The following IRF6 variants were observed in gnomAD, a reference collection of about 807,000 sequenced individuals.
IRF6 encodes the protein interferon regulatory factor 6, also known as Van der Woude syndrome.
IRF6 carries 6 observed loss-of-function variants against 51.4 expected under a neutral mutation model. That is an observed-to-expected ratio of 0.12 (90% CI 0.06 to 0.23). IRF6 has a LOEUF of 0.23. IRF6 is among the 10% of genes least tolerant of loss of function. The probability of loss-of-function intolerance (pLI) is 1.00; values close to 1 mark genes in which losing one functional copy is unlikely to be tolerated. For synonymous variants in IRF6, 178 were observed against 215.7 expected (o/e 0.83, Z 1.53); for missense variants, 348 against 585.2 (o/e 0.59, Z 4.18).
In IRF6 at chr1:209,796,682, T is replaced by C; in HGVS notation, c.175-130A>G. The C allele has an allele frequency of 1.6e-6, 1 of 610,708 alleles. No homozygotes were observed. The highest frequency in any genetic ancestry group is 2.0e-5 in the South Asian group (1 of 50,586). 37.8% of individuals were successfully genotyped at this position (610,708 alleles called of 1,614,324 possible). On this transcript the variant is annotated intron_variant, in intron 3 of 8. Coordinates refer to ENST00000367021, the MANE Select transcript of IRF6 (RefSeq NM_006147.4). The surrounding 1 kb of genome is among the most constrained non-coding windows in gnomAD (Gnocchi z 4.5). ...ACACACACACACACACACACAACTT[T>C]TGCATGACTGCCCCATCATCCCAAC... is the stretch of plus-strand genomic sequence containing the variant.
rs1018630527 is a variant in IRF6, at chr1:209,791,125, C to A, written c.668-238G>T. 4 of 859,628 alleles carry A rather than the reference C, an allele frequency of 4.7e-6. No individual in the cohort carries two copies. In the Admixed American group the frequency reaches 1.9e-4, roughly 40 times the overall value. 53.3% of individuals were successfully genotyped at this position (859,628 alleles called of 1,614,324 possible). A position where few individuals can be genotyped will look rare whatever the true frequency, so the allele number is the denominator to read the frequency against. On this transcript the variant is annotated intron_variant, in intron 6 of 8. Transcript: ENST00000367021. ...CATCTCAACTATTTCTGTTCAATCA[C>A]CACACCCCAAAGGCTACAATTGCAT...
chr1:209,798,373 T>C (rs2077917462), intron 3 of IRF6, among the ~76,000 whole-genome samples: 1 of 152,228 alleles, frequency 6.6e-6, no homozygotes, highest in Non-Finnish European at 1.5e-5. Context: ...TGATCCTCTG[T>C]GTGCCCACGC....
chr1:209,799,681 G>A (rs1006626604), intron 3 of IRF6, among the ~76,000 whole-genome samples: 6 of 152,194 alleles, frequency 3.9e-5, no homozygotes, highest in African/African-American at 1.4e-4. Context: ...CTCTTCCCCA[G>A]GGCCAGCCAC....
At position 209,789,693 on chromosome 1, in the gene IRF6, A is replaced by G. The variant is rs61099902; in HGVS notation, c.1153T>C (p.Leu385=). Reference sequence around the variant, plus strand: ...TGAACCAAGATGAGTTTCCTTTCCAATGGTTTCCCATCTGGCCATTCTTCC... The same window carrying G: ...TGAACCAAGATGAGTTTCCTTTCCAGTGGTTTCCCATCTGGCCATTCTTCC... The part of the protein sequence containing the change: ...FGEEWPDGKP[L]ERKLILVQVI... Residue 385 remains leucine (L), a synonymous_variant, in exon 8 of 9, where the codon TTG becomes CTG. Transcript: ENST00000367021. The G allele has an allele frequency of 4.1e-3, 6,619 of 1,613,494 alleles. 188 individuals carry two copies. In the African/African-American group the frequency reaches 0.067, roughly 16 times the overall value.
Position 209,795,307 on chromosome 1 carries a change from G to A in IRF6, c.491C>T (p.Pro164Leu), listed in dbSNP as rs756081116. ...QHHVPIQDTF[P>L]FLNINGSPMA... ...CCACTCACCATTGATGTTCAGGAAGGGGAAGGTGTCCTGGATGGGAACATG... is the reference window on the plus strand; with the variant it reads ...CCACTCACCATTGATGTTCAGGAAGAGGAAGGTGTCCTGGATGGGAACATG... The change falls in exon 5 of 9, where the codon CCC becomes CTC. Residue 164 changes from proline to leucine, a missense_variant. Transcript: ENST00000367021. The A allele has an allele frequency of 6.2e-7, 1 of 1,614,080 alleles. No homozygotes were observed. The highest frequency in any genetic ancestry group is 1.3e-5 in the African/African-American group (1 of 74,926).
chr1:209,793,996 A>C (rs1218237334), intron 5 of IRF6, among the ~76,000 whole-genome samples: 3 of 152,152 alleles, frequency 2.0e-5, no homozygotes, highest in Non-Finnish European at 4.4e-5. Flanking sequence ...ATTTGATTCC[A>C]TGTCTTTGCT....
Position 209,801,249 on chromosome 1 carries a change from G to T in IRF6, c.165C>A (p.Thr55=). Residue 55 remains threonine, a synonymous_variant, in exon 3 of 9, where the codon ACC becomes ACA. Transcript: ENST00000367021. ...AGAAGAAGTCCTTTACCTTAAAAAT[G>T]GTATTTTCCTCTTCTTGTTGAGGGC... is the stretch of plus-strand genomic sequence containing the variant. ...RHSPQQEEEN[T]IFKAWAVETG... The T allele has an allele frequency of 1.2e-6, 2 of 1,607,734 alleles. No homozygotes were observed. Among genetic ancestry groups the T allele is most frequent in the Non-Finnish European group, 8.5e-7 (1 of 1,175,270 alleles).
Position 209,785,987 on chromosome 1 carries a change from T to C in IRF6, c.*2433A>G, listed in dbSNP as rs1558037184. The C allele has an allele frequency of 6.6e-6, 1 of 152,212 alleles. No individual in the cohort carries two copies. Among genetic ancestry groups the C allele is most frequent in the Non-Finnish European group, 1.5e-5 (1 of 68,060 alleles). The allele number at this position is 152,212 out of a possible 1,614,324, so 9.4% of individuals were successfully genotyped here. A position where few individuals can be genotyped will look rare whatever the true frequency, so the allele number is the denominator to read the frequency against. ...GTAGGTTCTTTTTAACTTGAACTAA[T>C]CTTGTTTGGTGGGGTACACAGTGAG... On this transcript the variant is annotated 3_prime_UTR_variant, in exon 9 of 9. Coordinates refer to ENST00000367021, the MANE Select transcript of IRF6 (RefSeq NM_006147.4).
chr1:209,795,331 T>C lies in IRF6; in HGVS notation c.467A>G (p.His156Arg), dbSNP rs777922782. 1.9e-6 allele frequency: 3 copies of C among 1,614,206 alleles called. No individual in the cohort carries two copies. The highest frequency in any genetic ancestry group is 8.5e-7 in the Non-Finnish European group (1 of 1,180,018). Residue 156 changes from histidine to arginine, a missense_variant, in exon 5 of 9, where the codon CAT (histidine) becomes CGT (arginine). By Grantham distance (29) the His-to-Arg change is conservative. Around this residue, in one of 5 missense-constraint regions of IRF6, gnomAD observed 124 missense variants for 141.6 expected, o/e 0.88. Transcript: ENST00000367021. ...GGGGAAGGTGTCCTGGATGGGAACA[T>C]GGTGCTGCGACTGATCCAGCTCATC... ...EEDELDQSQH[H>R]VPIQDTFPFL...
chr1:209,795,213 C>A, intron 5 of IRF6, 77 bp downstream of exon 5: 1 of 1,522,970 alleles, frequency 6.6e-7, no homozygotes, highest in Non-Finnish European at 9.1e-7. Flanking sequence ...CAGTGGTGGC[C>A]AATGTATTGA....
At chr1:209,797,186 C>T (rs1354693153) in intron 3 of IRF6, among the ~76,000 whole-genome samples, 3 of 151,910 alleles carry the variant, frequency 2.0e-5, no homozygotes, top group South Asian at 2.1e-4. Flanking sequence ...GCCTGACCAA[C>T]GCGGAGAAAC....
Position 209,788,252 on chromosome 1 carries a change from AT to A in IRF6, c.*167del. 1.6e-6 allele frequency: 1 copy of A among 621,004 alleles called. No individual in the cohort carries two copies. The allele number at this position is 621,004 out of a possible 1,614,324, so 38.5% of individuals were successfully genotyped here. On this transcript the variant is annotated 3_prime_UTR_variant, in exon 9 of 9. Coordinates refer to ENST00000367021, the MANE Select transcript of IRF6 (RefSeq NM_006147.4). ...AAAGAAAAGCAAAGTCTGAAGGGTG[AT>A]TTTTCCATAAATTAAATCAGCTTTA...
At chr1:209,791,192 G>A (rs2077866983) in intron 6 of IRF6, among the ~76,000 whole-genome samples, 1 of 152,158 alleles carries the variant, frequency 6.6e-6, no homozygotes, top group African/African-American at 2.4e-5. Context: ...TACTGACTGA[G>A]TCTTCACACC....
chr1:209,787,052 CAAAAATA>C lies in IRF6; in HGVS notation c.*1361_*1367del, dbSNP rs2077838522. Reference sequence around the variant, plus strand: ...GCAACATAGCAAGACCTCATCTCTACAAAAATAAAAAAAAAATTAGCCAAGCATCATA... The same window carrying C: ...GCAACATAGCAAGACCTCATCTCTACAAAAAAAAATTAGCCAAGCATCATA... On this transcript the variant is annotated 3_prime_UTR_variant, in exon 9 of 9. Transcript: ENST00000367021. 1 of 152,440 alleles carries C rather than the reference CAAAAATA, an allele frequency of 6.6e-6. No individual in the cohort carries two copies. Among genetic ancestry groups the C allele is most frequent in the East Asian group, 1.9e-4 (1 of 5,202 alleles). The allele number at this position is 152,440 out of a possible 1,614,324, so 9.4% of individuals were successfully genotyped here.
In IRF6 at chr1:209,790,371, C is replaced by T; in HGVS notation, c.1060+124G>A. Reference sequence around the variant, plus strand: ...AAGTTCTGTTCTCCCTTGACCTCCTCCAGACTAAATTTTTTAAGATCTTTG... The same window carrying T: ...AAGTTCTGTTCTCCCTTGACCTCCTTCAGACTAAATTTTTTAAGATCTTTG... On this transcript the variant is annotated intron_variant, in intron 7 of 8. Coordinates refer to ENST00000367021, the MANE Select transcript of IRF6 (RefSeq NM_006147.4). This position sits in a 1 kb window ranked among gnomAD's most constrained non-coding sequence, Gnocchi z 4.8. 1 of 1,185,568 alleles carries T rather than the reference C, an allele frequency of 8.4e-7. No homozygotes were observed. 73.4% of individuals were successfully genotyped at this position (1,185,568 alleles called of 1,614,324 possible).
chr1:209,798,364 G>C (rs2077917422), intron 3 of IRF6, among the ~76,000 whole-genome samples: 1 of 152,174 alleles, frequency 6.6e-6, no homozygotes, highest in African/African-American at 2.4e-5. Flanking sequence ...CCATTTGTTT[G>C]ATCCTCTGTG....
rs939021021 is a variant in IRF6, at chr1:209,805,593, G to C, written c.-76+354C>G. Among the ~76,000 whole-genome samples the C allele has an allele frequency of 5.9e-5, 9 of 152,332 alleles. No homozygotes were observed. In the South Asian group the frequency reaches 8.3e-4, roughly 14 times the overall value. ...CGGACCTGGGAAGTCCCCTCTCTGG[G>C]ACACAGGGGCCAGCCGCAAGTTGGT... On this transcript the variant is annotated intron_variant, in intron 1 of 8. Transcript: ENST00000367021.
In IRF6 at chr1:209,792,381, G is replaced by C; in HGVS notation, c.555C>G (p.Asn185Lys). The C allele has an allele frequency of 2.5e-6, 4 of 1,614,234 alleles. No individual in the cohort carries two copies. The highest frequency in any genetic ancestry group is 3.4e-6 in the Non-Finnish European group (4 of 1,180,042). The change falls in exon 6 of 9, where the codon AAC (asparagine) becomes AAG (lysine). Residue 185 changes from asparagine (N) to lysine (K), a missense_variant. Asn to Lys is a moderately conservative substitution (Grantham distance 94). Around this residue, in one of 5 missense-constraint regions of IRF6, gnomAD observed 124 missense variants for 141.6 expected, o/e 0.88. Transcript: ENST00000367021. ...TGGGCCACACTGCCTCCGGGCTGCA[G>C]TTGCCCACACTGCAATTGCCCACAC... is the stretch of plus-strand genomic sequence containing the variant. ...PASVGNCSVG[N>K]CSPEAVWPKT...
chr1:209,796,224 G>C lies in IRF6; in HGVS notation c.379+124C>G. Reference sequence around the variant, plus strand: ...GTTTTCTGGGTCCTTCCCAGAGAAAGGCTTTCTTGCTTTATCCATCTTAAA... The same window carrying C: ...GTTTTCTGGGTCCTTCCCAGAGAAACGCTTTCTTGCTTTATCCATCTTAAA... On this transcript the variant is annotated intron_variant, in intron 4 of 8. Transcript: ENST00000367021. This position sits in a 1 kb window ranked among gnomAD's most constrained non-coding sequence, Gnocchi z 4.5. 1 of 800,180 alleles carries C rather than the reference G, an allele frequency of 1.2e-6. No individual in the cohort carries two copies. The allele number at this position is 800,180 out of a possible 1,614,324, so 49.6% of individuals were successfully genotyped here. A position where few individuals can be genotyped will look rare whatever the true frequency, so the allele number is the denominator to read the frequency against.
Sources: allele counts gnomAD v4.1 joint callset (sites outside exome capture counted in the v4.1 genomes callset), GRCh38; gene constraint gnomAD v4.1.1; regional missense constraint gnomAD v4.1.1; non-coding constraint Gnocchi (gnomAD v3.1); transcripts MANE v1.5; gene names NCBI Gene and HGNC (gene_info 2026-07-23, HGNC 2026-07-21).